MANEA: variants seen among roughly 807,000 people sequenced by gnomAD.
The protein encoded by MANEA is mannosidase endo-alpha, also known as glycoprotein endo-alpha-1,2-mannosidase.
Under a neutral mutation model 36.8 loss-of-function variants are expected in MANEA, and 25 were observed. That is an observed-to-expected ratio of 0.68 (90% CI 0.50 to 0.95). MANEA has a LOEUF of 0.95. MANEA is among the 40% of genes least tolerant of loss of function. The pLI is 0.00. For synonymous variants in MANEA, 198 were observed against 188.5 expected, an observed-to-expected ratio of 1.05 and a Z score of -0.41; for missense variants, 565 against 558.8, an observed-to-expected ratio of 1.01 and a Z score of -0.11.
intron 1 of MANEA, among the ~76,000 whole-genome samples, chr6:95,583,963 G>A (rs772596185): frequency 2.0e-4 from 30 of 152,128 alleles, no homozygotes; most frequent in African/African-American, 4.3e-4. Flanking sequence ...GACCCCGAAC[G>A]GAGGGACTGA....
chr6:95,599,287 CCT>C (rs1454970755), intron 3 of MANEA, among the ~76,000 whole-genome samples: 1 of 151,976 alleles, frequency 6.6e-6, no homozygotes, highest in East Asian at 1.9e-4. Context: ...ATATACTACA[CCT>C]GTAGTCCCAG....
chr6:95,597,048 CTAA>C (rs1443135634), intron 3 of MANEA, among the ~76,000 whole-genome samples: 2 of 151,676 alleles, frequency 1.3e-5, no homozygotes, highest in African/African-American at 2.4e-5. Flanking sequence ...TACTATGTTT[CTAA>C]TGTTTTATTT....
rs67335804 is a variant in MANEA, at chr6:95,601,716, ATTTTTTTTTTTT to A, written c.655-3094_655-3083del. Among the ~76,000 whole-genome samples, 385 of 65,014 alleles carry A rather than the reference ATTTTTTTTTTTT, an allele frequency of 5.9e-3. 2 individuals carry two copies. The highest frequency in any genetic ancestry group is 8.7e-3 in the South Asian group (10 of 1,144). 42.7% of individuals were successfully genotyped at this position (65,014 alleles called of 152,430 possible). Reference sequence around the variant, plus strand: ...AAAAGAAAATTAGGCAGATTCAGTGATTTTTTTTTTTTTTTTTTTTTTTTTTTTGCTTAGGAT... The same window carrying A: ...AAAAGAAAATTAGGCAGATTCAGTGATTTTTTTTTTTTTTTTGCTTAGGAT... On this transcript the variant is annotated intron_variant, in intron 3 of 4. Transcript: ENST00000358812.
At chr6:95,588,694 A>T (rs948816935) in intron 2 of MANEA, among the ~76,000 whole-genome samples, 2 of 151,972 alleles carry the variant, frequency 1.3e-5, no homozygotes, top group African/African-American at 4.8e-5. Flanking sequence ...GTTGTTCTTT[A>T]AAGTTTTAAT....
In MANEA at chr6:95,586,413, C is replaced by A. The variant is rs543860588; in HGVS notation, c.-27C>A. On this transcript the variant is annotated 5_prime_UTR_variant, in exon 2 of 5. The change creates a premature stop within an existing upstream ORF in the 5' untranslated region. Transcript: ENST00000358812. ...TCAATAAATTGCAGCAAAACACTTA[C>A]TATTTTGGAGTTTAAAGTATGTCAT... 20 of 1,558,156 alleles carry A rather than the reference C, an allele frequency of 1.3e-5. No individual in the cohort carries two copies. The South Asian group carries it at 2.1e-4, about 17-fold the overall frequency.
chr6:95,591,051 C>A (rs879459296), intron 2 of MANEA, among the ~76,000 whole-genome samples: 6 of 152,082 alleles, frequency 3.9e-5, no homozygotes, highest in Non-Finnish European at 8.8e-5. Context: ...GATGAATTGG[C>A]CTGTAAAAGG....
At position 95,586,944 on chromosome 6, in the gene MANEA, A is replaced by T. The variant is rs554975409; in HGVS notation, c.505A>T (p.Ile169Leu). The T allele has an allele frequency of 6.2e-7, 1 of 1,612,480 alleles. No homozygotes were observed. The highest frequency in any genetic ancestry group is 2.2e-5 in the East Asian group (1 of 44,862). Residue 169 changes from isoleucine to leucine, a missense_variant, in exon 2 of 5, where the codon ATA becomes TTA. Coordinates refer to ENST00000358812, the MANE Select transcript of MANEA (RefSeq NM_024641.4). Reference protein sequence around the residue: ...GSYSSRDPSVIETHMRQMRSA... With the variant: ...GSYSSRDPSVLETHMRQMRSA... ...TTACAGTTCTCGGGATCCTTCTGTCATAGAAACTCACATGAGACAAATGCG... is the reference window on the plus strand; with the variant it reads ...TTACAGTTCTCGGGATCCTTCTGTCTTAGAAACTCACATGAGACAAATGCG...
rs558101974 is a variant in MANEA at position 95,598,536 on chromosome 6, T to C, written c.654+1690T>C. Among the ~76,000 whole-genome samples, 12 of 152,276 alleles carry C rather than the reference T, an allele frequency of 7.9e-5. 1 individual carries two copies. In the South Asian group the frequency reaches 2.5e-3, roughly 32 times the overall value. On this transcript the variant is annotated intron_variant, in intron 3 of 4. Coordinates refer to ENST00000358812, the MANE Select transcript of MANEA (RefSeq NM_024641.4). ...GTGAAAGATCTGAGAGAGAGTCTAA[T>C]ATAGGGGCTACAGGGTTGTTTTTGT...
intron 2 of MANEA, among the ~76,000 whole-genome samples, chr6:95,588,040 C>T (rs6940020): frequency 0.6 from 90,679 of 151,828 alleles, 27,497 homozygotes; most frequent in East Asian, 0.87. Flanking sequence ...TTCTCTTCTC[C>T]TTCCTTCTGG....
chr6:95,584,413 G>A (rs964062594), intron 1 of MANEA, among the ~76,000 whole-genome samples: 2 of 152,098 alleles, frequency 1.3e-5, no homozygotes, highest in Non-Finnish European at 2.9e-5. Flanking sequence ...ATAAGCGGCC[G>A]CTCTGGGAGT....
At chr6:95,589,088 TA>T (rs1311304859) in intron 2 of MANEA, among the ~76,000 whole-genome samples, 1 of 151,576 alleles carries the variant, frequency 6.6e-6, no homozygotes, top group Non-Finnish European at 1.5e-5. Context: ...TAGACAAAAT[TA>T]AAAAATAAAC....
rs370015910 is a variant in MANEA at position 95,586,746 on chromosome 6, C to G, written c.307C>G (p.Leu103Val). 5.0e-6 allele frequency: 8 copies of G among 1,613,678 alleles called. No homozygotes were observed. The African/African-American group carries it at 9.3e-5, about 19-fold the overall frequency. ...LDELPPLNNYLHVFYYSWYGN... is the reference protein window; with the variant it reads ...LDELPPLNNYVHVFYYSWYGN... ...TGAACTACCACCTCTGAACAATTAT[C>G]TACATGTATTTTATTACAGTTGGTA... Residue 103 changes from leucine to valine, a missense_variant, in exon 2 of 5, where the codon CTA (leucine) becomes GTA (valine). Transcript: ENST00000358812.
chr6:95,591,206 A>G (rs1179799870), intron 2 of MANEA, among the ~76,000 whole-genome samples: 1 of 152,056 alleles, frequency 6.6e-6, no homozygotes, highest in Non-Finnish European at 1.5e-5. Flanking sequence ...ATCCAAGTGT[A>G]TGTCTAATAT....
At chr6:95,582,076 CCTTT>C (rs1201992205) in intron 1 of MANEA, among the ~76,000 whole-genome samples, 1 of 141,168 alleles carries the variant, frequency 7.1e-6, no homozygotes, top group Non-Finnish European at 1.5e-5. Context: ...CAAAATTTTC[CCTTT>C]CTTCAATCAA....
In MANEA at chr6:95,605,908, CTG is replaced by C. The variant is rs1562201652; in HGVS notation, c.894_895del (p.Phe299TyrfsTer10). On this transcript the variant is annotated frameshift_variant, in exon 5 of 5. Coordinates refer to ENST00000358812, the MANE Select transcript of MANEA (RefSeq NM_024641.4). LOFTEE classifies it high-confidence loss of function. Reference protein sequence around the residue: ...RSIRNSPYDGLFIALLVEEKH... With the variant: ...RSIRNSPYDGXFIALLVEEKH... The stretch of plus-strand genomic sequence containing the variant: ...TATTCGCAATTCTCCTTATGATGGA[CTG>C]TTTATTGCCCTTCTGGTAGAAGAAA... 1 of 1,613,958 alleles carries C rather than the reference CTG, an allele frequency of 6.2e-7. No individual in the cohort carries two copies. The highest frequency in any genetic ancestry group is 1.7e-5 in the Admixed American group (1 of 59,990).
At chr6:95,603,237 G>C (rs1037415588) in intron 3 of MANEA, among the ~76,000 whole-genome samples, 1 of 151,940 alleles carries the variant, frequency 6.6e-6, no homozygotes, top group Non-Finnish European at 1.5e-5. Context: ...TTTCAAGTTG[G>C]ATATTGCTTA....
chr6:95,579,138 AAG>A (rs1769131450), intron 1 of MANEA, among the ~76,000 whole-genome samples: 1 of 152,204 alleles, frequency 6.6e-6, no homozygotes, highest in Admixed American at 6.5e-5. Context: ...TGGGAGGCCG[AAG>A]TGGGTGGATC....
At chr6:95,584,987 C>G (rs1390831148) in intron 1 of MANEA, among the ~76,000 whole-genome samples, 2 of 152,114 alleles carry the variant, frequency 1.3e-5, no homozygotes, top group African/African-American at 4.8e-5. Context: ...ACTTAATTCT[C>G]TATAATAACA....
chr6:95,587,015 G>A (rs866025523), intron 2 of MANEA, 32 bp downstream of exon 2: 2 of 1,284,752 alleles, frequency 1.6e-6, no homozygotes, highest in East Asian at 4.8e-5. Context: ...ATGTGTGTTT[G>A]TGTCTGTATA....
Sources: allele counts gnomAD v4.1 joint callset (sites outside exome capture counted in the v4.1 genomes callset), GRCh38; gene constraint gnomAD v4.1.1; transcripts MANE v1.5; gene names NCBI Gene and HGNC (gene_info 2026-07-23, HGNC 2026-07-21).